The following ACAP2 variants were observed in gnomAD, a reference collection of about 807,000 sequenced individuals.
ACAP2 encodes arf-GAP with coiled-coil, ANK repeat and PH domain-containing protein 2.
A neutral mutation model predicts 115.8 loss-of-function variants in ACAP2; 39 were observed. That is an observed-to-expected ratio of 0.34 (90% CI 0.26 to 0.44). ACAP2 has a LOEUF of 0.44. Ranked by LOEUF, ACAP2 falls within the 20% of genes least tolerant of loss-of-function variation. The probability of loss-of-function intolerance (pLI) is 1.00; values close to 1 mark genes in which losing one functional copy is unlikely to be tolerated. For synonymous variants in ACAP2, 289 were observed against 315.8 expected (o/e 0.92, Z 0.90); for missense variants, 662 against 927.6 (o/e 0.71, Z 3.72).
At chr3:195,306,672 C>A in intron 12 of ACAP2, 56 bp from the exon 13 acceptor site, 1 of 1,214,990 alleles carries the variant, frequency 8.2e-7, no homozygotes, top group East Asian at 2.4e-5. Flanking sequence ...CAAAAACACC[C>A]TATAAGCTTT....
rs113851542 is a variant in ACAP2, at chr3:195,376,522, G to A, written c.285+4487C>T. 7.4e-4 allele frequency among the ~76,000 whole-genome samples: 113 copies of A among 152,278 alleles called. 1 individual carries two copies. The highest frequency in any genetic ancestry group is 2.6e-3 in the African/African-American group (106 of 41,546). On this transcript the variant is annotated intron_variant, in intron 4 of 22. Transcript: ENST00000326793. Reference sequence around the variant, plus strand: ...CGCACCACTGCACTCCAGCCTGGGAGAGAAAGCGAGACTCCATTTCACAAA... The same window carrying A: ...CGCACCACTGCACTCCAGCCTGGGAAAGAAAGCGAGACTCCATTTCACAAA...
At chr3:195,396,390 C>A (rs550828737) in intron 1 of ACAP2, among the ~76,000 whole-genome samples, 1 of 151,810 alleles carries the variant, frequency 6.6e-6, no homozygotes, top group African/African-American at 2.4e-5. Context: ...TAGCAATAAA[C>A]TTTCTAAGCT....
At chr3:195,422,689 G>A (rs577577094) in intron 1 of ACAP2, among the ~76,000 whole-genome samples, 18 of 152,062 alleles carry the variant, frequency 1.2e-4, no homozygotes, top group Admixed American at 3.9e-4. Context: ...TGTTGCCCAG[G>A]TTAAAAGTCA....
intron 4 of ACAP2, among the ~76,000 whole-genome samples, chr3:195,350,916 A>G (rs1731525063): frequency 6.6e-6 from 1 of 152,094 alleles, no homozygotes; most frequent in African/African-American, 2.4e-5. Flanking sequence ...ATTGAAAAAA[A>G]TCTTACTGAA....
intron 4 of ACAP2, among the ~76,000 whole-genome samples, chr3:195,367,588 C>T (rs1331805748): frequency 1.3e-5 from 2 of 152,176 alleles, no homozygotes; most frequent in Non-Finnish European, 2.9e-5. Context: ...TTTCCTTACC[C>T]TGAATCTGGG....
chr3:195,358,458 C>T (rs1313267855), intron 4 of ACAP2, among the ~76,000 whole-genome samples: 3 of 152,024 alleles, frequency 2.0e-5, no homozygotes, highest in Non-Finnish European at 4.4e-5. Flanking sequence ...AAAATAGCTG[C>T]TCTGAGGAAA....
At chr3:195,435,193 T>C (rs1296914305) in intron 1 of ACAP2, among the ~76,000 whole-genome samples, 1 of 151,768 alleles carries the variant, frequency 6.6e-6, no homozygotes, top group Non-Finnish European at 1.5e-5. Flanking sequence ...CTTTTTTTTT[T>C]AGACAGAGTC....
intron 15 of ACAP2, among the ~76,000 whole-genome samples, chr3:195,298,853 A>G (rs1382190271): frequency 6.6e-6 from 1 of 151,188 alleles, no homozygotes; most frequent in Non-Finnish European, 1.5e-5. Context: ...CTGGTCTTGA[A>G]CTCCGGACCT....
intron 1 of ACAP2, among the ~76,000 whole-genome samples, chr3:195,433,427 T>C (rs1277606098): frequency 6.6e-6 from 1 of 152,210 alleles, no homozygotes; most frequent in African/African-American, 2.4e-5. Flanking sequence ...TCTTTTCCTA[T>C]ATGGATGCCT....
Position 195,442,939 on chromosome 3 carries a change from C to A in ACAP2, c.-92G>T, listed in dbSNP as rs1560379600. 2 of 1,207,514 alleles carry A rather than the reference C, an allele frequency of 1.7e-6. No homozygotes were observed. The highest frequency in any genetic ancestry group is 2.2e-6 in the Non-Finnish European group (2 of 900,134). The allele number at this position is 1,207,514 out of a possible 1,614,324, so 74.8% of individuals were successfully genotyped here. A position where few individuals can be genotyped will look rare whatever the true frequency, so the allele number is the denominator to read the frequency against. ...GCAGACGGCTACGGCGGGCGCACGG[C>A]CGCGACTAGCGTTGCGCGGAGCTGC... On this transcript the variant is annotated 5_prime_UTR_variant, in exon 1 of 23. Transcript: ENST00000326793.
intron 21 of ACAP2, among the ~76,000 whole-genome samples, chr3:195,287,872 G>A (rs1382096647): frequency 6.6e-6 from 1 of 152,138 alleles, no homozygotes; most frequent in East Asian, 1.9e-4. Context: ...GGGAGGCTGA[G>A]GCAGGTGGAT....
rs1727316994 is a variant in ACAP2, at chr3:195,292,394, A to C, written c.1824T>G (p.Leu608=). ...FLDSKHLNPG[L]QLYRASYEKN... is the part of the protein sequence containing the mutation. ...TTTCATATGACGCCCTATAAAGCTG[A>C]AGTCCTGGATTAAGATGTTTCGAGT... Residue 608 remains leucine (L), a synonymous_variant, in exon 19 of 23, where the codon CTT becomes CTG. Transcript: ENST00000326793. 1.2e-6 allele frequency: 2 copies of C among 1,613,414 alleles called. No individual in the cohort carries two copies. Among genetic ancestry groups the C allele is most frequent in the African/African-American group, 2.7e-5 (2 of 74,872 alleles).
intron 4 of ACAP2, among the ~76,000 whole-genome samples, chr3:195,345,774 T>C (rs942544340): frequency 1.3e-5 from 2 of 152,186 alleles, no homozygotes; most frequent in Admixed American, 6.5e-5. Context: ...GGGACTTAAA[T>C]GAATATTTTA....
intron 1 of ACAP2, among the ~76,000 whole-genome samples, chr3:195,432,046 A>C (rs113915289): frequency 6.8e-4 from 104 of 152,262 alleles, no homozygotes; most frequent in African/African-American, 2.4e-3. Flanking sequence ...CCATTCTTTA[A>C]TTGGATTATT....
intron 4 of ACAP2, among the ~76,000 whole-genome samples, chr3:195,349,150 C>G (rs561101467): frequency 6.6e-6 from 1 of 152,144 alleles, no homozygotes; most frequent in Admixed American, 6.5e-5. Flanking sequence ...AGTTGTATTT[C>G]TAAGACCAGC....
At chr3:195,364,060 T>C (rs1732548934) in intron 4 of ACAP2, among the ~76,000 whole-genome samples, 2 of 152,132 alleles carry the variant, frequency 1.3e-5, no homozygotes, top group South Asian at 4.1e-4. Context: ...AATTTCTTAA[T>C]ACCCTACAGA....
intron 1 of ACAP2, among the ~76,000 whole-genome samples, chr3:195,429,533 A>G (rs1233770031): frequency 6.6e-6 from 1 of 152,192 alleles, no homozygotes; most frequent in African/African-American, 2.4e-5. Context: ...AGGCAAAACT[A>G]ATCTAAAGTT....
At chr3:195,360,544 C>T (rs1732281631) in intron 4 of ACAP2, among the ~76,000 whole-genome samples, 1 of 152,180 alleles carries the variant, frequency 6.6e-6, no homozygotes, top group African/African-American at 2.4e-5. Flanking sequence ...GCCTGTAATC[C>T]CAGTACTTTG....
intron 2 of ACAP2, among the ~76,000 whole-genome samples, chr3:195,383,238 G>T (rs1734066533): frequency 6.6e-6 from 1 of 152,042 alleles, no homozygotes; most frequent in African/African-American, 2.4e-5. Context: ...AAAAATATTT[G>T]AAGAGTAATA....
Sources: gnomAD v4.1 joint callset for allele counts (sites outside exome capture counted in the v4.1 genomes callset) on GRCh38, gnomAD v4.1.1 for gene constraint, MANE v1.5 for transcripts, NCBI Gene and HGNC (gene_info 2026-07-23, HGNC 2026-07-21) for gene names.